The following SYNE1 variants were observed in gnomAD, a reference collection of about 807,000 sequenced individuals.
SYNE1 encodes spectrin repeat containing nuclear envelope protein 1.
A neutral mutation model predicts 1,111.0 loss-of-function variants in SYNE1; 616 were observed. That is an observed-to-expected ratio of 0.55 (90% CI 0.52 to 0.59). SYNE1 has a LOEUF of 0.59. Among genes scored for constraint, SYNE1 ranks in the 20% least tolerant of loss-of-function variants. SYNE1 has a pLI of 0.00. For missense variants in SYNE1, 10,006 were observed against 10,417.0 expected (o/e 0.96, Z 1.72); for synonymous variants, 3,855 against 3,825.8 (o/e 1.01, Z -0.28).
chr6:152,354,364 C>T (rs1426058301), intron 67 of SYNE1, among the ~76,000 whole-genome samples: 1 of 152,058 alleles, frequency 6.6e-6, no homozygotes, highest in Non-Finnish European at 1.5e-5. Context: ...CATATCAGAA[C>T]CATAAACTTA....
At chr6:152,136,051 T>A (rs1199570100) in intron 141 of SYNE1, among the ~76,000 whole-genome samples, 1 of 152,230 alleles carries the variant, frequency 6.6e-6, no homozygotes, top group Non-Finnish European at 1.5e-5. Context: ...GCCAAATAAA[T>A]TCCCTGACTA....
At chr6:152,393,683 T>C (rs1311662262) in intron 51 of SYNE1, among the ~76,000 whole-genome samples, 1 of 152,130 alleles carries the variant, frequency 6.6e-6, no homozygotes, top group Admixed American at 6.5e-5. Flanking sequence ...CAAACTAGCA[T>C]ACCAACAAGT....
intron 5 of SYNE1, among the ~76,000 whole-genome samples, chr6:152,521,252 A>G (rs1021823335): frequency 6.6e-5 from 10 of 152,094 alleles, no homozygotes; most frequent in African/African-American, 2.4e-4. Context: ...TGCTATTTCT[A>G]TACTCTTCTT....
rs778571798 is a variant in SYNE1 at position 152,428,268 on chromosome 6, T to C, written c.4913A>G (p.Asp1638Gly). The change falls in exon 37 of 146, where the codon GAC becomes GGC. Residue 1638 changes from aspartate (D) to glycine (G), a missense_variant. Around this residue, in one of 7 missense-constraint regions of SYNE1, gnomAD observed 1,971 missense variants for 2,084.1 expected, o/e 0.95. Coordinates refer to ENST00000367255, the MANE Select transcript of SYNE1 (RefSeq NM_182961.4). ...EAAALQQQYE[D>G]ILRRAKERQT... ...TCTCTCCTTCGCCCTCCTTAGGATGTCCTCGTATTGCTGCTGTAGAGCCGC... is the reference window on the plus strand; with the variant it reads ...TCTCTCCTTCGCCCTCCTTAGGATGCCCTCGTATTGCTGCTGTAGAGCCGC... 3.1e-6 allele frequency: 5 copies of C among 1,614,044 alleles called. No individual in the cohort carries two copies. The highest frequency in any genetic ancestry group is 2.7e-5 in the African/African-American group (2 of 74,934).
intron 3 of SYNE1, among the ~76,000 whole-genome samples, chr6:152,619,253 C>G (rs1465740940): frequency 6.6e-6 from 1 of 152,172 alleles, no homozygotes; most frequent in Non-Finnish European, 1.5e-5. Context: ...TCATGGAACT[C>G]TAAACTTCAT....
Position 152,417,025 on chromosome 6 carries a change from AAG to A in SYNE1, c.5422-12_5422-11del. The A allele has an allele frequency of 6.2e-7, 1 of 1,613,636 alleles. No individual in the cohort carries two copies. The highest frequency in any genetic ancestry group is 8.5e-7 in the Non-Finnish European group (1 of 1,180,016). ...CTTCTGCTGCGTGGTCCTGGAAGGG[AAG>A]AGAGAGTTATTGATTCCTGAGATAC... On this transcript the variant is annotated splice_polypyrimidine_tract_variant and intron_variant, in intron 40 of 145. Coordinates refer to ENST00000367255, the MANE Select transcript of SYNE1 (RefSeq NM_182961.4).
At chr6:152,185,114 T>C (rs1469126032) in intron 128 of SYNE1, among the ~76,000 whole-genome samples, 2 of 152,140 alleles carry the variant, frequency 1.3e-5, no homozygotes, top group Non-Finnish European at 2.9e-5. Context: ...TGATGACATA[T>C]ACTTATATTT....
At position 152,140,039 on chromosome 6, in the gene SYNE1, C is replaced by T; in HGVS notation, c.25369G>A (p.Gly8457Arg). The change falls in exon 140 of 146, where the codon GGG (glycine) becomes AGG (arginine). Residue 8457 changes from glycine (G) to arginine (R), a missense_variant. Physicochemically the swap from Gly to Arg is moderately radical, Grantham distance 125 (BLOSUM62 -2). Coordinates refer to ENST00000367255, the MANE Select transcript of SYNE1 (RefSeq NM_182961.4). The part of the protein sequence containing the change: ...SDLNSIWAWL[G>R]DTEEELEQLQ... ...TGTTCCAACTCCTCCTCCGTGTCCC[C>T]CAGCCAGGCCCAGATGCTGTTCAAG... The T allele has an allele frequency of 6.2e-7, 1 of 1,614,180 alleles. No individual in the cohort carries two copies. The highest frequency in any genetic ancestry group is 1.1e-5 in the South Asian group (1 of 91,080).
Position 152,311,391 on chromosome 6 carries a change from C to T in SYNE1, c.16711-518G>A, listed in dbSNP as rs76276549. Reference sequence around the variant, plus strand: ...AAGTGAGACAAAGGGGTAGAAGATACGTGCAATAACTATCAAGAGAAGCAA... The same window carrying T: ...AAGTGAGACAAAGGGGTAGAAGATATGTGCAATAACTATCAAGAGAAGCAA... On this transcript the variant is annotated intron_variant, in intron 87 of 145. Coordinates refer to ENST00000367255, the MANE Select transcript of SYNE1 (RefSeq NM_182961.4). Among the ~76,000 whole-genome samples, 984 of 152,256 alleles carry T rather than the reference C, an allele frequency of 6.5e-3. 5 individuals carry two copies. Among genetic ancestry groups the T allele is most frequent in the Admixed American group, 8.8e-3 (134 of 15,304 alleles).
intron 145 of SYNE1, chr6:152,128,213 C>T (rs1056071951): frequency 6.6e-6 from 1 of 152,206 alleles, no homozygotes; most frequent in Non-Finnish European, 1.5e-5. Context: ...CCATCATAAG[C>T]ATTTGCTTTG....
At chr6:152,199,520 GA>G (rs1311963383) in intron 127 of SYNE1, among the ~76,000 whole-genome samples, 1 of 151,340 alleles carries the variant, frequency 6.6e-6, no homozygotes, top group African/African-American at 2.4e-5. Context: ...AATGATTTAA[GA>G]AAAAAAAATT....
intron 93 of SYNE1, 83 bp downstream of exon 93, chr6:152,300,558 T>G: frequency 6.3e-7 from 1 of 1,593,944 alleles, no homozygotes; most frequent in South Asian, 1.1e-5. Context: ...CTGAGATTCA[T>G]ACCCACGATC....
In SYNE1 at chr6:152,236,116, T is replaced by A. The variant is rs1157388215; in HGVS notation, c.20387A>T (p.His6796Leu). The A allele has an allele frequency of 6.2e-7, 1 of 1,614,074 alleles. No homozygotes were observed. Among genetic ancestry groups the A allele is most frequent in the Admixed American group, 1.7e-5 (1 of 60,030 alleles). ...ELHRLETILK[H>L]WTRYQSESAD... is the part of the protein sequence containing the mutation. ...ACAGTCATTGTATTACCTGGTCCAG[T>A]GTTTCAATATTGTTTCCAGTCTGTG... The change falls in exon 110 of 146, where the codon CAC becomes CTC. Residue 6796 changes from histidine (H) to leucine (L), a missense_variant. Around this residue, in one of 7 missense-constraint regions of SYNE1, gnomAD observed 2,182 missense variants for 2,287.8 expected, o/e 0.95. Coordinates refer to ENST00000367255, the MANE Select transcript of SYNE1 (RefSeq NM_182961.4).
chr6:152,400,339 T>C (rs2097793698), intron 47 of SYNE1, among the ~76,000 whole-genome samples: 1 of 152,106 alleles, frequency 6.6e-6, no homozygotes, highest in African/African-American at 2.4e-5. Flanking sequence ...AGATAGCTAA[T>C]TAGGAATGTT....
In SYNE1 at chr6:152,224,647, T is replaced by C; in HGVS notation, c.21369A>G (p.Ile7123Met). ...NLDHMVGQLK[I>M]LLKSVLDQWS... ...ATTGGTCAAGCACTGATTTCAGCAG[T>C]ATCTTTAATTGTCCAACCTTTTGAA... Residue 7123 changes from isoleucine (I) to methionine (M), a missense_variant, in exon 117 of 146, where the codon ATA becomes ATG. Ile to Met is a conservative substitution (Grantham distance 10, BLOSUM62 1). Transcript: ENST00000367255. The C allele has an allele frequency of 6.2e-7, 1 of 1,613,848 alleles. No individual in the cohort carries two copies. Among genetic ancestry groups the C allele is most frequent in the Non-Finnish European group, 8.5e-7 (1 of 1,179,874 alleles).
intron 128 of SYNE1, among the ~76,000 whole-genome samples, chr6:152,181,082 C>CAAAAA (rs11439578): frequency 6.4e-5 from 8 of 124,628 alleles, no homozygotes; most frequent in African/African-American, 2.4e-4. Flanking sequence ...TTTATCATTC[C>CAAAAA]AAAAAAAAAA....
chr6:152,126,419 A>G (rs1361018324), intron 145 of SYNE1: 2 of 152,238 alleles, frequency 1.3e-5, no homozygotes, highest in South Asian at 4.1e-4. Flanking sequence ...GGGAAATTTC[A>G]TAAGGGAAAG....
intron 84 of SYNE1, among the ~76,000 whole-genome samples, chr6:152,320,749 A>T (rs1031192765): frequency 1.2e-4 from 18 of 152,208 alleles, no homozygotes; most frequent in African/African-American, 4.3e-4. Flanking sequence ...GGTTAAAATG[A>T]TGGCTCTTCT....
At chr6:152,483,364 A>C (rs2098919796) in intron 13 of SYNE1, 115 bp from the exon 14 acceptor site, 2 of 891,858 alleles carry the variant, frequency 2.2e-6, no homozygotes, top group Non-Finnish European at 3.5e-6. Flanking sequence ...ATTTCAGGCT[A>C]AGTTAATAAA....
Sources: allele counts gnomAD v4.1 joint callset (sites outside exome capture counted in the v4.1 genomes callset), GRCh38; gene constraint gnomAD v4.1.1; regional missense constraint gnomAD v4.1.1; transcripts MANE v1.5; gene names NCBI Gene and HGNC (gene_info 2026-07-23, HGNC 2026-07-21).